The following LAMA3 variants were observed in gnomAD, a reference collection of about 807,000 sequenced individuals.
The protein encoded by LAMA3 is laminin subunit alpha-3.
In LAMA3, 281 loss-of-function variants were observed where a neutral mutation model predicts 402.0. That is an observed-to-expected ratio of 0.70 (90% CI 0.63 to 0.77). LAMA3 has a LOEUF of 0.77. Among genes scored for constraint, LAMA3 ranks in the 30% least tolerant of loss-of-function variants. The pLI is 0.00. For synonymous variants in LAMA3, 1,431 were observed against 1,558.4 expected, an observed-to-expected ratio of 0.92 and a Z score of 1.93; for missense variants, 3,840 against 4,215.5, an observed-to-expected ratio of 0.91 and a Z score of 2.47.
chr18:23,939,324 G>A lies in LAMA3; in HGVS notation c.8964G>A (p.Gln2988=). 1 of 1,614,232 alleles carries A rather than the reference G, an allele frequency of 6.2e-7. No individual in the cohort carries two copies. The highest frequency in any genetic ancestry group is 8.5e-7 in the Non-Finnish European group (1 of 1,180,036). ...CCCAGGCCAATCATGGAGCCCTCCA[G>A]TTTGGGGACATTCCCACCAGCCACT... ...PKTQANHGAL[Q]FGDIPTSHLL... Residue 2988 remains glutamine, a synonymous_variant, in exon 68 of 75, where the codon CAG becomes CAA. Transcript: ENST00000313654.
chr18:23,819,840 G>A lies in LAMA3; in HGVS notation c.2148-1G>A. On this transcript the variant is annotated splice_acceptor_variant, in intron 18 of 74. Transcript: ENST00000313654. LOFTEE classifies it high-confidence loss of function. The stretch of plus-strand genomic sequence containing the variant: ...ATGTGTTTACTTTTTAATTATGAAA[G>A]GCCTGAAAACAACTACTATTTCCCA... 6.2e-7 allele frequency: 1 copy of A among 1,613,756 alleles called. No individual in the cohort carries two copies. Among genetic ancestry groups the A allele is most frequent in the Non-Finnish European group, 8.5e-7 (1 of 1,179,708 alleles).
chr18:23,807,813 G>C (rs1181047351), intron 12 of LAMA3, among the ~76,000 whole-genome samples: 1 of 152,148 alleles, frequency 6.6e-6, no homozygotes, highest in Non-Finnish European at 1.5e-5. Flanking sequence ...GCACCATCTA[G>C]ACTAGTGTTT....
intron 24 of LAMA3, among the ~76,000 whole-genome samples, chr18:23,836,106 T>C (rs2063575433): frequency 6.8e-6 from 1 of 148,042 alleles, no homozygotes; most frequent in African/African-American, 2.5e-5. Context: ...TTTTAATGGA[T>C]ACACACACAC....
intron 12 of LAMA3, among the ~76,000 whole-genome samples, chr18:23,808,038 C>T (rs969775810): frequency 1.2e-4 from 18 of 152,152 alleles, no homozygotes; most frequent in Admixed American, 4.6e-4. Context: ...GCATTAGACA[C>T]GCTTTATATG....
At chr18:23,910,291 C>T (rs1038872399) in intron 55 of LAMA3, among the ~76,000 whole-genome samples, 1 of 152,180 alleles carries the variant, frequency 6.6e-6, no homozygotes, top group African/African-American at 2.4e-5. Flanking sequence ...CTCTTTACCT[C>T]TCTGTGCCTC....
chr18:23,725,009 C>G (rs891782074), intron 2 of LAMA3, among the ~76,000 whole-genome samples: 11 of 152,160 alleles, frequency 7.2e-5, no homozygotes, highest in African/African-American at 2.7e-4. Flanking sequence ...TGATTCCCCT[C>G]TCTCTCTTTT....
At chr18:23,733,234 T>A (rs747559998) in intron 2 of LAMA3, among the ~76,000 whole-genome samples, 4 of 152,154 alleles carry the variant, frequency 2.6e-5, no homozygotes, top group Non-Finnish European at 4.4e-5. Context: ...AGGGAGGCAT[T>A]ATCTTTGCTT....
rs1470490615 is a variant in LAMA3 at position 23,932,202 on chromosome 18, A to C, written c.8619A>C (p.Lys2873Asn). The C allele has an allele frequency of 1.2e-6, 2 of 1,614,072 alleles. No individual in the cohort carries two copies. The highest frequency in any genetic ancestry group is 4.5e-5 in the East Asian group (2 of 44,900). Reference protein sequence around the residue: ...LIDDQLLRNSKRLKHISSSRQ... With the variant: ...LIDDQLLRNSNRLKHISSSRQ... ...ATGACCAGCTTCTGAGAAATAGCAAAAGGCTAAAACACATTTCAAGTTCCC... is the reference window on the plus strand; with the variant it reads ...ATGACCAGCTTCTGAGAAATAGCAACAGGCTAAAACACATTTCAAGTTCCC... Residue 2873 changes from lysine (K) to asparagine (N), a missense_variant, in exon 66 of 75, where the codon AAA becomes AAC. Transcript: ENST00000313654.
chr18:23,771,680 T>C (rs1259834361), intron 8 of LAMA3, among the ~76,000 whole-genome samples: 1 of 152,160 alleles, frequency 6.6e-6, no homozygotes, highest in East Asian at 1.9e-4. Context: ...TTGAAATGCG[T>C]AAGAGATAAG....
At position 23,861,637 on chromosome 18, in the gene LAMA3, T is replaced by G; in HGVS notation, c.4423-9T>G. Reference sequence around the variant, plus strand: ...CGTTTCCATCCCTTGCTTCTCTCCCTCTTTCCAGTTTGTGGATATGCTGGG... The same window carrying G: ...CGTTTCCATCCCTTGCTTCTCTCCCGCTTTCCAGTTTGTGGATATGCTGGG... On this transcript the variant is annotated splice_polypyrimidine_tract_variant and intron_variant, in intron 34 of 74. Transcript: ENST00000313654. 3 of 1,614,176 alleles carry G rather than the reference T, an allele frequency of 1.9e-6. No homozygotes were observed. In the South Asian group the frequency reaches 3.3e-5, roughly 18 times the overall value.
At chr18:23,881,609 T>A (rs2064896879) in intron 39 of LAMA3, among the ~76,000 whole-genome samples, 1 of 152,184 alleles carries the variant, frequency 6.6e-6, no homozygotes, top group African/African-American at 2.4e-5. Context: ...AAAATTGATA[T>A]AAGTAAAATT....
Position 23,881,938 on chromosome 18 carries a change from C to T in LAMA3, c.5115C>T (p.Asn1705=). Residue 1705 remains asparagine, a splice_region_variant and synonymous_variant, in exon 40 of 75, where the codon AAC becomes AAT. Coordinates refer to ENST00000313654, the MANE Select transcript of LAMA3 (RefSeq NM_198129.4). ...TTGTGCTGTTCACCTGTCCCCAGAA[C>T]TGTCAGCACAACACCGCGGGAGAGC... ...QCQDGSGICV[N]CQHNTAGEHC... 1 of 1,610,306 alleles carries T rather than the reference C, an allele frequency of 6.2e-7. No individual in the cohort carries two copies. Among genetic ancestry groups the T allele is most frequent in the Middle Eastern group, 1.7e-4 (1 of 6,056 alleles).
intron 36 of LAMA3, among the ~76,000 whole-genome samples, chr18:23,865,810 G>A (rs962684441): frequency 6.6e-6 from 1 of 152,228 alleles, no homozygotes; most frequent in Non-Finnish European, 1.5e-5. Context: ...TACAGGGCAG[G>A]AGGCTGTGCT....
chr18:23,880,501 C>G (rs1266894990), intron 39 of LAMA3, among the ~76,000 whole-genome samples: 1 of 152,182 alleles, frequency 6.6e-6, no homozygotes, highest in Non-Finnish European at 1.5e-5. Flanking sequence ...GAAGGGCAAC[C>G]TTTTTCATTA....
chr18:23,860,981 C>T (rs561908979), intron 34 of LAMA3, among the ~76,000 whole-genome samples: 17 of 152,154 alleles, frequency 1.1e-4, no homozygotes, highest in African/African-American at 1.9e-4. Context: ...TGTGACCCAC[C>T]GCACCTGGCC....
chr18:23,842,412 A>T lies in LAMA3; in HGVS notation c.3354A>T (p.Arg1118Ser), dbSNP rs190512655. The T allele has an allele frequency of 1.2e-6, 2 of 1,613,992 alleles. No homozygotes were observed. The highest frequency in any genetic ancestry group is 2.7e-5 in the African/African-American group (2 of 74,964). ...CCTCTTAGAATCAAGTGACCCTGAG[A>T]GGACGTGTACCACACCTGGGCCGAT... ...LKAPQNQVTL[R>S]GRVPHLGRYV... Residue 1118 changes from arginine to serine, a missense_variant, in exon 28 of 75, where the codon AGA (arginine) becomes AGT (serine). This residue lies in a region of LAMA3 where 2,109 missense variants were observed against 2,376.0 expected (regional missense o/e 0.89). Coordinates refer to ENST00000313654, the MANE Select transcript of LAMA3 (RefSeq NM_198129.4).
chr18:23,723,148 G>T (rs1308881610), intron 2 of LAMA3, among the ~76,000 whole-genome samples: 1 of 152,060 alleles, frequency 6.6e-6, no homozygotes, highest in Non-Finnish European at 1.5e-5. Flanking sequence ...ACATTCACAC[G>T]AAAGTTCTGG....
intron 32 of LAMA3, among the ~76,000 whole-genome samples, chr18:23,851,229 G>A (rs960880628): frequency 6.6e-6 from 1 of 152,200 alleles, no homozygotes; most frequent in Admixed American, 6.5e-5. Flanking sequence ...AGTGGTGACG[G>A]CTGTAACAGC....
chr18:23,907,501 G>T (rs573860861), intron 52 of LAMA3, 49 bp from the exon 53 acceptor site: 1 of 1,316,110 alleles, frequency 7.6e-7, no homozygotes, highest in Non-Finnish European at 1.1e-6. Context: ...ACCAATGGAG[G>T]ATCAAAATGC....
Sources: gnomAD v4.1 joint callset for allele counts (sites outside exome capture counted in the v4.1 genomes callset) on GRCh38, gnomAD v4.1.1 for gene constraint, gnomAD v4.1.1 regional missense constraint, MANE v1.5 for transcripts, NCBI Gene and HGNC (gene_info 2026-07-23, HGNC 2026-07-21) for gene names.